The following MIDN variants were observed in gnomAD, a reference collection of about 807,000 sequenced individuals.
The protein encoded by MIDN is midnolin, also known as midbrain nucleolar protein.
In MIDN, 26 loss-of-function variants were observed where a neutral mutation model predicts 46.1. The ratio of observed to expected loss-of-function variants is 0.56; its 90% CI spans 0.41 to 0.78. MIDN has a LOEUF of 0.78. Among genes scored for constraint, MIDN ranks in the 30% least tolerant of loss-of-function variants. The pLI is 0.00. For missense variants in MIDN, 850 were observed against 771.8 expected (o/e 1.10, Z -1.20); for synonymous variants, 432 against 343.3 (o/e 1.26, Z -2.86).
Position 1,257,136 on chromosome 19 carries a change from C to T in MIDN, c.1400C>T (p.Ala467Val), listed in dbSNP as rs2081208965. Residue 467 changes from alanine to valine, a missense_variant, in exon 9 of 9, where the codon GCC becomes GTC. Physicochemically the swap from Ala to Val is moderately conservative, Grantham distance 64. Coordinates refer to ENST00000682408, the MANE Select transcript of MIDN (RefSeq NM_001388306.1). ...TACCACTGGTCACCCAGCCGCAAGGCCGGCCGCAGCGACAGCAGTAGCAGC... is the reference window on the plus strand; with the variant it reads ...TACCACTGGTCACCCAGCCGCAAGGTCGGCCGCAGCGACAGCAGTAGCAGC... The part of the protein sequence containing the change: ...GPYHWSPSRK[A>V]GRSDSSSSGG... 3.7e-6 allele frequency: 6 copies of T among 1,611,256 alleles called. No homozygotes were observed. The highest frequency in any genetic ancestry group is 2.2e-5 in the East Asian group (1 of 44,864).
chr19:1,251,259 G>A, intron 2 of MIDN: 1 of 385,674 alleles, frequency 2.6e-6, no homozygotes, highest in Non-Finnish European at 4.7e-6. Context: ...GGGGAAGGTG[G>A]CATAGAGCAC....
At chr19:1,253,326 G>A (rs1164152577) in intron 4 of MIDN, among the ~76,000 whole-genome samples, 1 of 152,108 alleles carries the variant, frequency 6.6e-6, no homozygotes, top group Non-Finnish European at 1.5e-5. Context: ...GGTTACGCCA[G>A]CTACTGCCAG....
At chr19:1,252,399 T>G (rs2081141851) in intron 4 of MIDN, among the ~76,000 whole-genome samples, 1 of 148,486 alleles carries the variant, frequency 6.7e-6, no homozygotes, top group South Asian at 2.2e-4. Flanking sequence ...TCTCTGGCCT[T>G]TGTTCTCTAC....
chr19:1,251,512 G>A (rs749293633), intron 2 of MIDN, 50 bp from the exon 3 acceptor site: 2 of 1,564,042 alleles, frequency 1.3e-6, no homozygotes, highest in Non-Finnish European at 8.7e-7. Flanking sequence ...CTGCTTCCGC[G>A]TCCCTGTGTC....
chr19:1,254,782 C>T, intron 6 of MIDN, 120 bp from the exon 7 acceptor site: 3 of 1,228,800 alleles, frequency 2.4e-6, no homozygotes, highest in East Asian at 2.3e-5. Flanking sequence ...TAGTTTATCT[C>T]TAAACCCTGT....
intron 2 of MIDN, 49 bp from the exon 3 acceptor site, chr19:1,251,513 T>C (rs774429378): frequency 1.3e-6 from 2 of 1,566,356 alleles, no homozygotes; most frequent in Non-Finnish European, 8.7e-7. Flanking sequence ...TGCTTCCGCG[T>C]CCCTGTGTCG....
intron 8 of MIDN, 140 bp downstream of exon 8, chr19:1,255,834 G>T: frequency 2.5e-6 from 2 of 789,862 alleles, no homozygotes; most frequent in Non-Finnish European, 3.9e-6. Flanking sequence ...CCACTGCTCT[G>T]CTCCAGCCCG....
Position 1,254,915 on chromosome 19 carries a change from C to T in MIDN, c.839C>T (p.Ser280Phe). The stretch of plus-strand genomic sequence containing the variant: ...TCCTCCCATCAGCAGATGGACTGCT[C>T]CCCCACGGCCAGCAGCAGTGCCAGT... ...STTCPEQMDC[S>F]PTASSSASPG... The change falls in exon 7 of 9, where the codon TCC becomes TTC. Residue 280 changes from serine (S) to phenylalanine (F), a missense_variant. Physicochemically the swap from Ser to Phe is radical, Grantham distance 155. Coordinates refer to ENST00000682408, the MANE Select transcript of MIDN (RefSeq NM_001388306.1). 3 of 1,605,712 alleles carry T rather than the reference C, an allele frequency of 1.9e-6. No individual in the cohort carries two copies. The highest frequency in any genetic ancestry group is 1.1e-5 in the South Asian group (1 of 90,882).
rs769818681 is a variant in MIDN at position 1,255,647 on chromosome 19, C to G, written c.1211C>G (p.Ala404Gly). 1.2e-6 allele frequency: 2 copies of G among 1,603,290 alleles called. No homozygotes were observed. The highest frequency in any genetic ancestry group is 2.2e-5 in the South Asian group (2 of 90,762). The change falls in exon 8 of 9, where the codon GCC becomes GGC. Residue 404 changes from alanine (A) to glycine (G), a missense_variant. Physicochemically the swap from Ala to Gly is moderately conservative, Grantham distance 60. Transcript: ENST00000682408. ...SCEKLTAAPS[A>G]SLLQGQSQIR... ...GAGAAGCTCACGGCTGCCCCCTCAGCCTCCCTGCTGCAGGGCCAGAGCCAG... is the reference window on the plus strand; with the variant it reads ...GAGAAGCTCACGGCTGCCCCCTCAGGCTCCCTGCTGCAGGGCCAGAGCCAG...
In MIDN at chr19:1,254,406, G is replaced by T. The variant is rs750440861; in HGVS notation, c.753G>T (p.Pro251=). The change falls in exon 6 of 9, where the codon CCG becomes CCT. Residue 251 remains proline (P), a synonymous_variant. Coordinates refer to ENST00000682408, the MANE Select transcript of MIDN (RefSeq NM_001388306.1). ...GAGTCCCCCCGGTGCCCACCAGCCC[G>T]TCCCCTGCATCTCCCTCGCCCATCA... ...AARVPPVPTS[P]SPASPSPITA... 3.2e-6 allele frequency: 5 copies of T among 1,564,512 alleles called. No individual in the cohort carries two copies. The highest frequency in any genetic ancestry group is 4.3e-6 in the Non-Finnish European group (5 of 1,162,156).
rs1303041282 is a variant in MIDN, at chr19:1,251,547, C to G, written c.234-15C>G. Reference sequence around the variant, plus strand: ...CGTCTCCGCGGAGTCTCATGCTCTTCCTTCCTCCCCCCAGCCGGCTCAGTT... The same window carrying G: ...CGTCTCCGCGGAGTCTCATGCTCTTGCTTCCTCCCCCCAGCCGGCTCAGTT... On this transcript the variant is annotated splice_polypyrimidine_tract_variant and intron_variant, in intron 2 of 8. Coordinates refer to ENST00000682408, the MANE Select transcript of MIDN (RefSeq NM_001388306.1). 3.1e-6 allele frequency: 5 copies of G among 1,606,582 alleles called. No individual in the cohort carries two copies. The African/African-American group carries it at 5.4e-5, about 17-fold the overall frequency.
At chr19:1,251,721 T>C in intron 3 of MIDN, 72 bp downstream of exon 3, 8 of 1,525,246 alleles carry the variant, frequency 5.2e-6, no homozygotes, top group Non-Finnish European at 7.2e-6. Context: ...TCGGTACCTG[T>C]CCGCACACAC....
At chr19:1,252,653 C>T (rs2081146089) in intron 4 of MIDN, among the ~76,000 whole-genome samples, 1 of 152,194 alleles carries the variant, frequency 6.6e-6, no homozygotes, top group African/African-American at 2.4e-5. Flanking sequence ...CCTCAGCAAT[C>T]CGCCCGCTGC....
At chr19:1,249,092 T>G (rs2081089583) in intron 1 of MIDN, among the ~76,000 whole-genome samples, 1 of 151,244 alleles carries the variant, frequency 6.6e-6, no homozygotes, top group South Asian at 2.1e-4. Flanking sequence ...GCGCCCGAGC[T>G]GCTGACTCAC....
At chr19:1,256,877 C>T (rs925752027) in intron 8 of MIDN, 118 bp from the exon 9 acceptor site, 44 of 1,469,242 alleles carry the variant, frequency 3.0e-5, no homozygotes, top group Admixed American at 6.6e-5. Context: ...TTGCTGACCT[C>T]CCTCCAGGGA....
At chr19:1,252,214 G>T (rs2145488317) in intron 4 of MIDN, among the ~76,000 whole-genome samples, 1 of 152,206 alleles carries the variant, frequency 6.6e-6, no homozygotes, top group Non-Finnish European at 1.5e-5. Flanking sequence ...TGCATCCCCA[G>T]CCCCCTCCGC....
In MIDN at chr19:1,255,597, C is replaced by A. The variant is rs2081189999; in HGVS notation, c.1161C>A (p.Asp387Glu). 1.2e-6 allele frequency: 2 copies of A among 1,610,168 alleles called. No homozygotes were observed. Among genetic ancestry groups the A allele is most frequent in the Admixed American group, 1.7e-5 (1 of 59,946 alleles). Residue 387 changes from aspartate to glutamate, a missense_variant, in exon 8 of 9, where the codon GAC (aspartate) becomes GAA (glutamate). By Grantham distance (45) the Asp-to-Glu change is conservative. Transcript: ENST00000682408. ...AQCSPASPAP[D>E]LAPRTTSCEK... Reference sequence around the variant, plus strand: ...GCTCCCCGGCCTCACCGGCCCCCGACCTGGCCCCCAGAACTACCTCCTGCG... The same window carrying A: ...GCTCCCCGGCCTCACCGGCCCCCGAACTGGCCCCCAGAACTACCTCCTGCG...
rs907976425 is a variant in MIDN at position 1,250,324 on chromosome 19, A to G, written c.28A>G (p.Ser10Gly). 8.0e-6 allele frequency: 8 copies of G among 1,006,212 alleles called. No homozygotes were observed. Among genetic ancestry groups the G allele is most frequent in the African/African-American group, 1.8e-5 (1 of 56,558 alleles). The allele number at this position is 1,006,212 out of a possible 1,614,324, so 62.3% of individuals were successfully genotyped here. A position where few individuals can be genotyped will look rare whatever the true frequency, so the allele number is the denominator to read the frequency against. ...GGAGCCGCAGCCCGGCGGCGCCCGG[A>G]GCTGCCGGCGCGGGGCCCCCGGCGG... Reference protein sequence around the residue: MEPQPGGARSCRRGAPGGAC... With the variant: MEPQPGGARGCRRGAPGGAC... The change falls in exon 2 of 9, where the codon AGC (serine) becomes GGC (glycine). Residue 10 changes from serine to glycine, a missense_variant. Coordinates refer to ENST00000682408, the MANE Select transcript of MIDN (RefSeq NM_001388306.1).
chr19:1,254,556 C>G, intron 6 of MIDN, 78 bp downstream of exon 6: 1 of 1,443,830 alleles, frequency 6.9e-7, no homozygotes, highest in South Asian at 1.2e-5. Context: ...TTGGGGAGGA[C>G]AAGGACTCTT....
Sources: allele counts gnomAD v4.1 joint callset (sites outside exome capture counted in the v4.1 genomes callset), GRCh38; gene constraint gnomAD v4.1.1; transcripts MANE v1.5; gene names NCBI Gene and HGNC (gene_info 2026-07-23, HGNC 2026-07-21).